ALMS1: variants seen among roughly 807,000 people sequenced by gnomAD.
ALMS1 encodes the protein ALMS1 centrosome and basal body associated protein, also known as centrosome-associated protein ALMS1.
In ALMS1, 271 loss-of-function variants were observed where a neutral mutation model predicts 352.2. The ratio of observed to expected loss-of-function variants is 0.77; its 90% confidence interval spans 0.70 to 0.85. ALMS1 has a LOEUF of 0.85. Ranked by LOEUF, ALMS1 falls within the 40% of genes least tolerant of loss-of-function variation. The pLI is 0.00. For missense variants in ALMS1, 5,445 were observed against 4,870.7 expected (o/e 1.12, Z -3.51); for synonymous variants, 1,865 against 1,761.2 (o/e 1.06, Z -1.48).
chr2:73,485,260 A>T (rs528904191), intron 9 of ALMS1, among the ~76,000 whole-genome samples: 74 of 152,058 alleles, frequency 4.9e-4, no homozygotes, highest in Non-Finnish European at 6.9e-4. Flanking sequence ...TTTGGTGTGG[A>T]TGTCCTTTCT....
At chr2:73,485,904 G>GGC (rs1672830713) in intron 9 of ALMS1, among the ~76,000 whole-genome samples, 1 of 152,144 alleles carries the variant, frequency 6.6e-6, no homozygotes, top group Non-Finnish European at 1.5e-5. Flanking sequence ...CGCTTCCCAA[G>GGC]TGAGGCAATG....
chr2:73,604,458 A>C lies in ALMS1; in HGVS notation c.12362+1154A>C, dbSNP rs186598472. 2.6e-5 allele frequency among the ~76,000 whole-genome samples: 4 copies of C among 152,368 alleles called. No homozygotes were observed. In the East Asian group the frequency reaches 7.7e-4, roughly 29 times the overall value. On this transcript the variant is annotated intron_variant, in intron 21 of 22. Transcript: ENST00000613296. Reference sequence around the variant, plus strand: ...CATTTCAGATATTCATATATTGATCATGAGAATGCCAGAGAATAAGGTTGA... The same window carrying C: ...CATTTCAGATATTCATATATTGATCCTGAGAATGCCAGAGAATAAGGTTGA...
At position 73,465,901 on chromosome 2, in the gene ALMS1, A is replaced by C. The variant is rs530196193; in HGVS notation, c.7674+10606A>C. On this transcript the variant is annotated intron_variant, in intron 9 of 22. Coordinates refer to ENST00000613296, the MANE Select transcript of ALMS1 (RefSeq NM_001378454.1). ...ATGAAAAAATGCTCATCATCACTGGACATCAGAGAAATGCAAATCAAAACC... is the reference window on the plus strand; with the variant it reads ...ATGAAAAAATGCTCATCATCACTGGCCATCAGAGAAATGCAAATCAAAACC... Among the ~76,000 whole-genome samples the C allele has an allele frequency of 3.1e-3, 469 of 152,288 alleles. 1 individual carries two copies. Among genetic ancestry groups the C allele is most frequent in the Middle Eastern group, 6.8e-3 (2 of 294 alleles).
Position 73,408,645 on chromosome 2 carries a change from A to G in ALMS1, c.348A>G (p.Val116=), listed in dbSNP as rs1433156767. ...AGATTGTTCCATTGACCTGTCATGT[A>G]TGGCAACAGATAGTATATCAAGGCA... ...LEKIVPLTCH[V]WQQIVYQGNS... is the part of the protein sequence containing the mutation. Residue 116 remains valine (V), a synonymous_variant, in exon 2 of 23, where the codon GTA becomes GTG. Transcript: ENST00000613296. 3 of 1,613,428 alleles carry G rather than the reference A, an allele frequency of 1.9e-6. No individual in the cohort carries two copies. Among genetic ancestry groups the G allele is most frequent in the Middle Eastern group, 3.3e-4 (2 of 6,058 alleles).
At chr2:73,587,330 A>G (rs1675334018) in intron 16 of ALMS1, among the ~76,000 whole-genome samples, 1 of 152,162 alleles carries the variant, frequency 6.6e-6, no homozygotes, top group Non-Finnish European at 1.5e-5. Flanking sequence ...AGCAGGGATG[A>G]AAGTGGGCAT....
At chr2:73,403,290 C>T (rs989273736) in intron 1 of ALMS1, among the ~76,000 whole-genome samples, 1 of 152,132 alleles carries the variant, frequency 6.6e-6, no homozygotes, top group Non-Finnish European at 1.5e-5. Flanking sequence ...AAGAGATCTT[C>T]TATTCCCTAT....
chr2:73,467,446 A>T (rs1377307852), intron 9 of ALMS1, among the ~76,000 whole-genome samples: 2 of 152,122 alleles, frequency 1.3e-5, no homozygotes, highest in African/African-American at 4.8e-5. Context: ...AATTAAAAAG[A>T]ACAATGCTAA....
rs369276734 is a variant in ALMS1 at position 73,445,058 on chromosome 2, A to T, written c.1433-2902A>T. 9.2e-5 allele frequency among the ~76,000 whole-genome samples: 14 copies of T among 152,210 alleles called. No homozygotes were observed. In the East Asian group the frequency reaches 2.5e-3, roughly 27 times the overall value. Reference sequence around the variant, plus strand: ...AATTTGAGTTTACTTCTCTGTACACACAATAGGTGCTTTTGCCAGACTTTT... The same window carrying T: ...AATTTGAGTTTACTTCTCTGTACACTCAATAGGTGCTTTTGCCAGACTTTT... On this transcript the variant is annotated intron_variant, in intron 7 of 22. Transcript: ENST00000613296.
intron 2 of ALMS1, among the ~76,000 whole-genome samples, chr2:73,410,998 G>T (rs1671066872): frequency 6.6e-6 from 1 of 151,940 alleles, no homozygotes; most frequent in African/African-American, 2.4e-5. Context: ...CATAGTACCT[G>T]GGGCCATTAA....
intron 9 of ALMS1, among the ~76,000 whole-genome samples, chr2:73,476,626 T>C (rs1304619163): frequency 6.6e-6 from 1 of 152,032 alleles, no homozygotes; most frequent in African/African-American, 2.4e-5. Context: ...CAGGTCTGAA[T>C]TGATGTCTCA....
chr2:73,390,041 G>A (rs922603876), intron 1 of ALMS1, among the ~76,000 whole-genome samples: 4 of 152,072 alleles, frequency 2.6e-5, no homozygotes, highest in African/African-American at 4.8e-5. Context: ...AGAGCCCAGA[G>A]TATTTTTTCC....
In ALMS1 at chr2:73,448,960, C is replaced by T. The variant is rs2103775106; in HGVS notation, c.2433C>T (p.Tyr811=). The part of the protein sequence containing the change: ...TGLPTVPSSA[Y]SHREKLLVFY... ...TACCAACAGTACCCTCTAGTGCATA[C>T]TCACACAGAGAGAAGCTCCTTGTTT... Residue 811 remains tyrosine (Y), a synonymous_variant, in exon 8 of 23, where the codon TAC becomes TAT. Transcript: ENST00000613296. 1.2e-6 allele frequency: 2 copies of T among 1,614,112 alleles called. No homozygotes were observed. Among genetic ancestry groups the T allele is most frequent in the South Asian group, 1.1e-5 (1 of 91,084 alleles).
In ALMS1 at chr2:73,534,843, A is replaced by C; in HGVS notation, c.9801A>C (p.Pro3267=). ...RGTDGQPLLL[P]YKPSGSTKMY... Reference sequence around the variant, plus strand: ...CCTTAGGCCAGCCTTTATTATTGCCATATAAGCCTTCTGGTAGTACCAAGA... The same window carrying C: ...CCTTAGGCCAGCCTTTATTATTGCCCTATAAGCCTTCTGGTAGTACCAAGA... The change falls in exon 12 of 23, where the codon CCA becomes CCC. Residue 3267 remains proline (P), a synonymous_variant. Transcript: ENST00000613296. 1.2e-6 allele frequency: 2 copies of C among 1,613,630 alleles called. No homozygotes were observed. Among genetic ancestry groups the C allele is most frequent in the Middle Eastern group, 1.7e-4 (1 of 6,058 alleles).
At chr2:73,461,783 A>G (rs1672208746) in intron 9 of ALMS1, among the ~76,000 whole-genome samples, 1 of 152,234 alleles carries the variant, frequency 6.6e-6, no homozygotes, top group Non-Finnish European at 1.5e-5. Flanking sequence ...GCTAAAAGCA[A>G]AGGCGCGAGA....
At chr2:73,473,265 T>G (rs1352701796) in intron 9 of ALMS1, among the ~76,000 whole-genome samples, 1 of 152,018 alleles carries the variant, frequency 6.6e-6, no homozygotes, top group Non-Finnish European at 1.5e-5. Context: ...TTTTTTTCTT[T>G]CCTATTACCT....
At chr2:73,386,234 G>C (rs1038210821) in intron 1 of ALMS1, 42 bp downstream of exon 1, 8 of 1,469,672 alleles carry the variant, frequency 5.4e-6, no homozygotes, top group East Asian at 2.7e-5. Context: ...CGGCGAGTTG[G>C]GGGTGGAGGC....
At chr2:73,589,120 A>G (rs1675369634) in intron 16 of ALMS1, among the ~76,000 whole-genome samples, 1 of 152,112 alleles carries the variant, frequency 6.6e-6, no homozygotes, top group African/African-American at 2.4e-5. Flanking sequence ...TTTTTCTTTT[A>G]TATTTTTGTC....
intron 9 of ALMS1, among the ~76,000 whole-genome samples, chr2:73,488,479 G>C (rs1357314335): frequency 6.6e-6 from 1 of 152,204 alleles, no homozygotes; most frequent in Non-Finnish European, 1.5e-5. Context: ...CCCCGAAAGT[G>C]CAGTGGTGCC....
chr2:73,438,012 G>A (rs748873484), intron 7 of ALMS1, among the ~76,000 whole-genome samples: 1 of 152,042 alleles, frequency 6.6e-6, no homozygotes, highest in Non-Finnish European at 1.5e-5. Context: ...CTGTTTACTC[G>A]TTCTGTTCCC....
Sources: allele counts gnomAD v4.1 joint callset (sites outside exome capture counted in the v4.1 genomes callset), GRCh38; gene constraint gnomAD v4.1.1; transcripts MANE v1.5; gene names NCBI Gene and HGNC (gene_info 2026-07-23, HGNC 2026-07-21).